The following SPATA7 variants were observed in gnomAD, a reference collection of about 807,000 sequenced individuals.
SPATA7 encodes spermatogenesis-associated protein 7.
Under a neutral mutation model 51.8 loss-of-function variants are expected in SPATA7, and 43 were observed. That is an observed-to-expected ratio of 0.83 (90% confidence interval 0.65 to 1.07). The LOEUF (loss-of-function observed/expected upper bound fraction) is 1.07, where lower values mean the gene tolerates loss of function less well. SPATA7 is among the 50% of genes least tolerant of loss of function. SPATA7 has a pLI of 0.00. For missense variants in SPATA7, 683 were observed against 701.3 expected, an observed-to-expected ratio of 0.97 and a Z score of 0.30; for synonymous variants, 230 against 252.8, an observed-to-expected ratio of 0.91 and a Z score of 0.86.
At chr14:88,420,440 T>G (rs1179563910) in intron 5 of SPATA7, among the ~76,000 whole-genome samples, 2 of 152,224 alleles carry the variant, frequency 1.3e-5, no homozygotes, top group African/African-American at 2.4e-5. Flanking sequence ...AGTTCTCTCA[T>G]TAGTTCAAGA....
intron 4 of SPATA7, among the ~76,000 whole-genome samples, chr14:88,411,852 G>T (rs1203291970): frequency 6.6e-6 from 1 of 150,766 alleles, no homozygotes; most frequent in East Asian, 1.9e-4. Flanking sequence ...TGATTTTTTG[G>T]GGGGGGTTTA....
At chr14:88,447,953 A>AT (rs1455831154) in intron 3 of SPATA7, among the ~76,000 whole-genome samples, 4 of 150,944 alleles carry the variant, frequency 2.6e-5, no homozygotes, top group Non-Finnish European at 5.9e-5. Context: ...GAATCTGACA[A>AT]TTATGTGTCT....
rs117645156 is a variant in SPATA7 at position 88,449,377 on chromosome 14, A to T, written c.178-5683A>T. Among the ~76,000 whole-genome samples the T allele has an allele frequency of 9.9e-3, 1,510 of 152,170 alleles. 15 individuals carry two copies. Among genetic ancestry groups the T allele is most frequent in the Non-Finnish European group, 0.014 (984 of 68,002 alleles). On this transcript the variant is annotated intron_variant, in intron 3 of 3. Coordinates refer to the SPATA7 transcript ENST00000554802. ...GTTATTGTACTTCCATTTATTTGGC[A>T]TGGTTTTGAGGGTTCCTTTTGCAGT...
chr14:88,407,433 A>G (rs2139927443), intron 4 of SPATA7, among the ~76,000 whole-genome samples: 1 of 152,254 alleles, frequency 6.6e-6, no homozygotes, highest in African/African-American at 2.4e-5. Context: ...GTGTCTGTTC[A>G]TATCCTTCGC....
At chr14:88,429,298 C>T (rs764919004) in intron 7 of SPATA7, 50 bp from the exon 8 acceptor site, 39 of 1,059,910 alleles carry the variant, frequency 3.7e-5, no homozygotes, top group Middle Eastern at 2.2e-4. Context: ...ATTCTGCTTT[C>T]GTAATGTATT....
intron 3 of SPATA7, among the ~76,000 whole-genome samples, chr14:88,451,316 T>C (rs1412416248): frequency 2.6e-5 from 4 of 151,390 alleles, no homozygotes; most frequent in Non-Finnish European, 4.4e-5. Context: ...ATTACAGGCG[T>C]CTGCCACCAC....
intron 7 of SPATA7, 113 bp from the exon 8 acceptor site, chr14:88,429,234 TA>T: frequency 1.5e-6 from 1 of 663,860 alleles, no homozygotes; most frequent in African/African-American, 1.8e-5. Context: ...TCGTACTGTA[TA>T]ATTTTTATCT....
In SPATA7 at chr14:88,447,925, C is replaced by T. The variant is rs531946385; in HGVS notation, c.178-7135C>T. 5.3e-5 allele frequency among the ~76,000 whole-genome samples: 8 copies of T among 151,156 alleles called. No individual in the cohort carries two copies. In the South Asian group the frequency reaches 8.3e-4, roughly 16 times the overall value. On this transcript the variant is annotated intron_variant, in intron 3 of 3. Coordinates refer to the SPATA7 transcript ENST00000554802. The stretch of plus-strand genomic sequence containing the variant: ...CTCTGGCTGCCCTTAACATTTTTTC[C>T]TTCATTTCAACTTTGGTGAATCTGA...
intron 5 of SPATA7, among the ~76,000 whole-genome samples, chr14:88,418,560 C>T (rs1219275896): frequency 2.7e-5 from 4 of 150,710 alleles, no homozygotes; most frequent in Non-Finnish European, 4.4e-5. Context: ...CTGCAACCTC[C>T]GCCTCCTGGG....
intron 4 of SPATA7, chr14:88,467,900 C>T: frequency 1.7e-6 from 1 of 585,042 alleles, no homozygotes; most frequent in East Asian, 3.0e-5. Flanking sequence ...CAGACCGGGG[C>T]AGGGCAAGGC....
intron 4 of SPATA7, among the ~76,000 whole-genome samples, chr14:88,402,609 G>A (rs1338883190): frequency 6.6e-6 from 1 of 151,976 alleles, no homozygotes; most frequent in Non-Finnish European, 1.5e-5. Flanking sequence ...GGATGAAAAT[G>A]GACTCTTAAA....
chr14:88,466,707 A>G (rs1005466564), intron 4 of SPATA7: 15 of 152,140 alleles, frequency 9.9e-5, no homozygotes, highest in Admixed American at 8.5e-4. Context: ...GGCTCTGTCT[A>G]TTGGGATGTG....
chr14:88,396,165 A>G lies in SPATA7; in HGVS notation c.200A>G (p.Asp67Gly), dbSNP rs762300671. Residue 67 changes from aspartate to glycine, a missense_variant, in exon 4 of 12, where the codon GAC (aspartate) becomes GGC (glycine). Coordinates refer to ENST00000393545, the MANE Select transcript of SPATA7 (RefSeq NM_018418.5). ...TACCTTTCTCTTTCAGCTGCAGTAG[A>G]CTGCTCGGTTCCAGTAAGCGTGAGT... ...NKILSAKAAV[D>G]CSVPVSVSTS... 2 of 1,610,394 alleles carry G rather than the reference A, an allele frequency of 1.2e-6. No individual in the cohort carries two copies. The highest frequency in any genetic ancestry group is 2.2e-5 in the East Asian group (1 of 44,796).
At chr14:88,440,598 C>T (rs1424314880), downstream of SPATA7, among the ~76,000 whole-genome samples, 1 of 152,156 alleles carries the variant, frequency 6.6e-6, no homozygotes, top group Admixed American at 6.5e-5. Context: ...TCTTCCTTCT[C>T]ACACAGCCCA....
At chr14:88,391,621 T>C (rs1028003508) in intron 2 of SPATA7, 166 bp downstream of exon 2, 1 of 698,940 alleles carries the variant, frequency 1.4e-6, no homozygotes, top group African/African-American at 1.8e-5. Flanking sequence ...TAGAGAATTT[T>C]GGAGTCTATG....
intron 9 of SPATA7, 49 bp from the exon 10 acceptor site, chr14:88,433,086 G>T: frequency 2.1e-6 from 3 of 1,437,994 alleles, no homozygotes; most frequent in South Asian, 2.3e-5. Context: ...ACAGTTTTCA[G>T]AATAAGTAAG....
chr14:88,435,430 C>A (rs1046685260), intron 10 of SPATA7, among the ~76,000 whole-genome samples: 3 of 152,140 alleles, frequency 2.0e-5, no homozygotes, highest in Non-Finnish European at 4.4e-5. Context: ...CTTTGAGTTA[C>A]AAACGATCAG....
intron 10 of SPATA7, among the ~76,000 whole-genome samples, chr14:88,435,764 C>CT (rs2077069466): frequency 6.6e-6 from 1 of 152,098 alleles, no homozygotes; most frequent in Non-Finnish European, 1.5e-5. Flanking sequence ...CAGGATCTCA[C>CT]TTTTTTAATG....
chr14:88,427,598 G>T (rs1287674138), intron 6 of SPATA7, 32 bp from the exon 7 acceptor site: 1 of 1,469,904 alleles, frequency 6.8e-7, no homozygotes, highest in South Asian at 1.2e-5. Context: ...TATTTTGAAG[G>T]ATTAACAATT....
Sources: allele counts gnomAD v4.1 joint callset (sites outside exome capture counted in the v4.1 genomes callset), GRCh38; gene constraint gnomAD v4.1.1; transcripts MANE v1.5; gene names NCBI Gene and HGNC (gene_info 2026-07-23, HGNC 2026-07-21).